The following SSBP3 variants were observed in gnomAD, a reference collection of about 807,000 sequenced individuals.
The protein encoded by SSBP3 is single-stranded DNA-binding protein 3.
A neutral mutation model predicts 69.6 loss-of-function variants in SSBP3; 5 were observed. That is an observed-to-expected ratio of 0.07 (90% CI 0.04 to 0.15). The LOEUF (loss-of-function observed/expected upper bound fraction) is 0.15. Ranked by LOEUF, SSBP3 falls within the 10% of genes least tolerant of loss-of-function variation. The pLI is 1.00. For missense variants in SSBP3, 312 were observed against 534.0 expected (o/e 0.58, Z 4.10); for synonymous variants, 196 against 193.4 (o/e 1.01, Z -0.11).
At chr1:54,348,288 A>G (rs909871890) in intron 4 of SSBP3, among the ~76,000 whole-genome samples, 12 of 144,510 alleles carry the variant, frequency 8.3e-5, no homozygotes, top group African/African-American at 1.3e-4. Context: ...AAATTAGCAG[A>G]GAGTGGGCAG....
chr1:54,298,329 C>T (rs1645738768), intron 4 of SSBP3, among the ~76,000 whole-genome samples: 1 of 152,036 alleles, frequency 6.6e-6, no homozygotes, highest in African/African-American at 2.4e-5. Flanking sequence ...CCCAGACTCA[C>T]GAAGAGGGGC....
chr1:54,251,704 A>T lies in SSBP3; in HGVS notation c.575-12T>A, dbSNP rs556832003. 6.4e-7 allele frequency: 1 copy of T among 1,566,742 alleles called. No individual in the cohort carries two copies. Among genetic ancestry groups the T allele is most frequent in the East Asian group, 2.3e-5 (1 of 42,736 alleles). ...CATGTTGGGGTGGCCTGCGTGAGAG[A>T]GGAGGCGCGTCATGGGATGGCAGGA... On this transcript the variant is annotated splice_polypyrimidine_tract_variant and intron_variant, in intron 8 of 17. Transcript: ENST00000610401.
At chr1:54,294,162 AG>A (rs755716291) in intron 4 of SSBP3, among the ~76,000 whole-genome samples, 35,632 of 72,264 alleles carry the variant, frequency 0.49, 8,767 homozygotes, top group East Asian at 0.72. Context: ...AAAAAAAAAA[AG>A]AAAGAAAGAA....
At chr1:54,363,729 T>C (rs1646985291) in intron 4 of SSBP3, among the ~76,000 whole-genome samples, 2 of 152,252 alleles carry the variant, frequency 1.3e-5, no homozygotes, top group South Asian at 4.1e-4. Flanking sequence ...TTGTTTATTT[T>C]CTTTCCACCA....
At chr1:54,307,601 G>C (rs1016041601) in intron 4 of SSBP3, among the ~76,000 whole-genome samples, 1 of 152,188 alleles carries the variant, frequency 6.6e-6, no homozygotes, top group Non-Finnish European at 1.5e-5. Context: ...GAAACCTACT[G>C]AGCTGCATTC....
chr1:54,375,080 GCACATGCTACCCGTCTTCTC>G (rs1480077896), intron 4 of SSBP3, among the ~76,000 whole-genome samples: 2 of 152,148 alleles, frequency 1.3e-5, no homozygotes, highest in Non-Finnish European at 2.9e-5. Flanking sequence ...CCCTGGCCCT[GCACATGCTACCCGTCTTCTC>G]CACTAGCTGT....
intron 4 of SSBP3, among the ~76,000 whole-genome samples, chr1:54,361,824 T>C (rs1432976452): frequency 6.6e-6 from 1 of 152,140 alleles, no homozygotes; most frequent in African/African-American, 2.4e-5. Context: ...TACTGGTCAA[T>C]GTGGATTCTC....
At chr1:54,244,962 T>C (rs1644707670) in intron 9 of SSBP3, among the ~76,000 whole-genome samples, 1 of 152,116 alleles carries the variant, frequency 6.6e-6, no homozygotes, top group East Asian at 1.9e-4. Flanking sequence ...CAAGTGCCCT[T>C]TGAAGGTGGG....
At chr1:54,288,215 A>G (rs1284129962) in intron 4 of SSBP3, among the ~76,000 whole-genome samples, 2 of 152,214 alleles carry the variant, frequency 1.3e-5, no homozygotes, top group African/African-American at 4.8e-5. Flanking sequence ...TTAAGACAAA[A>G]GAGTCCTGCA....
intron 4 of SSBP3, among the ~76,000 whole-genome samples, chr1:54,332,483 T>C (rs1327099469): frequency 6.6e-6 from 1 of 152,164 alleles, no homozygotes; most frequent in African/African-American, 2.4e-5. Context: ...CTGCATTGTT[T>C]CATCTGTAAA....
chr1:54,238,552 G>A (rs1644542885), intron 14 of SSBP3: 2 of 354,386 alleles, frequency 5.6e-6, no homozygotes, highest in South Asian at 2.4e-5. Context: ...GTGGGTGCAG[G>A]GGACACAGGA....
At chr1:54,247,241 A>G (rs1005336971) in intron 9 of SSBP3, among the ~76,000 whole-genome samples, 1 of 152,232 alleles carries the variant, frequency 6.6e-6, no homozygotes, top group Non-Finnish European at 1.5e-5. Flanking sequence ...GCTGGCCCCC[A>G]GAGTCTGCAT....
intron 4 of SSBP3, among the ~76,000 whole-genome samples, chr1:54,392,235 C>T (rs1183537452): frequency 2.0e-5 from 3 of 152,124 alleles, no homozygotes; most frequent in Non-Finnish European, 4.4e-5. Context: ...AACAATTTCC[C>T]GAGAACTCTC....
At chr1:54,408,583 T>C (rs1290612681), upstream of SSBP3, among the ~76,000 whole-genome samples, 1 of 152,232 alleles carries the variant, frequency 6.6e-6, no homozygotes. Context: ...TCAACCAGAT[T>C]GGCCATGCCC....
chr1:54,384,812 AT>A (rs1256036501), intron 4 of SSBP3, among the ~76,000 whole-genome samples: 6 of 151,184 alleles, frequency 4.0e-5, no homozygotes, highest in Non-Finnish European at 5.9e-5. Context: ...GTCCCTCTAA[AT>A]TTTTTTTTTC....
At chr1:54,412,506 A>G (rs994909323) in intron 1 of SSBP3, among the ~76,000 whole-genome samples, 3 of 152,134 alleles carry the variant, frequency 2.0e-5, no homozygotes, top group African/African-American at 4.8e-5. Flanking sequence ...ATTCAGAGAG[A>G]CAGAGTAGAA....
chr1:54,316,336 C>G (rs1437982544), intron 4 of SSBP3, among the ~76,000 whole-genome samples: 1 of 147,102 alleles, frequency 6.8e-6, no homozygotes, highest in African/African-American at 2.5e-5. Context: ...GAGCGAGACT[C>G]TGTCTCAAAA....
intron 4 of SSBP3, among the ~76,000 whole-genome samples, chr1:54,383,566 A>G (rs1357095819): frequency 6.6e-6 from 1 of 152,192 alleles, no homozygotes; most frequent in Non-Finnish European, 1.5e-5. Context: ...AGCAAACACA[A>G]GTCTTCTTAG....
chr1:54,315,392 C>T (rs1462127188), intron 4 of SSBP3, among the ~76,000 whole-genome samples: 1 of 152,134 alleles, frequency 6.6e-6, no homozygotes, highest in Non-Finnish European at 1.5e-5. Flanking sequence ...CCACACACCA[C>T]TTGGTACTAT....
Sources: allele counts gnomAD v4.1 joint callset (sites outside exome capture counted in the v4.1 genomes callset), GRCh38; gene constraint gnomAD v4.1.1; transcripts MANE v1.5; gene names NCBI Gene and HGNC (gene_info 2026-07-23, HGNC 2026-07-21).